Variants in COLEC10 observed in about 807,000 individuals in gnomAD.
The protein encoded by COLEC10 is collectin subfamily member 10.
A neutral mutation model predicts 28.4 loss-of-function variants in COLEC10; 22 were observed. The observed-to-expected ratio is 0.78, with a 90% confidence interval of 0.55 to 1.11. The LOEUF (loss-of-function observed/expected upper bound fraction) is 1.11. Among genes scored for constraint, COLEC10 ranks in the 50% least tolerant of loss-of-function variants. The pLI is 0.00. For missense variants in COLEC10, 361 were observed against 344.1 expected (o/e 1.05, Z -0.39); for synonymous variants, 125 against 116.1 (o/e 1.08, Z -0.49).
chr8:119,084,884 G>C (rs561765384), intron 1 of COLEC10, among the ~76,000 whole-genome samples: 1 of 152,262 alleles, frequency 6.6e-6, no homozygotes, highest in East Asian at 1.9e-4. Flanking sequence ...ACACAGCCAA[G>C]TAAAAGAGTA....
intron 1 of COLEC10, among the ~76,000 whole-genome samples, chr8:118,998,866 A>AT (rs1813638660): frequency 6.6e-6 from 1 of 151,260 alleles, no homozygotes. Flanking sequence ...AAAAAAAAAA[A>AT]AATTAACTTG....
At chr8:119,001,289 C>G (rs1813695571) in intron 1 of COLEC10, among the ~76,000 whole-genome samples, 1 of 152,086 alleles carries the variant, frequency 6.6e-6, no homozygotes, top group Non-Finnish European at 1.5e-5. Context: ...AAACAAAAGG[C>G]TGGTATTTTG....
At chr8:118,972,515 C>T in the COLEC10 span, among the ~76,000 whole-genome samples, 2 of 151,906 alleles carry the variant, frequency 1.3e-5, no homozygotes, top group Admixed American at 1.3e-4. Flanking sequence ...GAGTCTCAAA[C>T]TTGTCAATCC....
intron 1 of COLEC10, among the ~76,000 whole-genome samples, chr8:119,000,554 A>AG (rs1813677080): frequency 6.6e-6 from 1 of 152,176 alleles, no homozygotes; most frequent in African/African-American, 2.4e-5. Context: ...AGTGCTTGCA[A>AG]GGGAGTGATT....
At chr8:119,031,381 A>G (rs1268366537) in intron 2 of COLEC10, among the ~76,000 whole-genome samples, 1 of 152,228 alleles carries the variant, frequency 6.6e-6, no homozygotes, top group Non-Finnish European at 1.5e-5. Flanking sequence ...ACAATAACAT[A>G]TGATCATAGA....
At chr8:119,029,229 G>C (rs1210684714) in intron 2 of COLEC10, among the ~76,000 whole-genome samples, 1 of 152,114 alleles carries the variant, frequency 6.6e-6, no homozygotes. Context: ...TAATTAGTGC[G>C]GGAGTAACAT....
chr8:119,064,495 T>C (rs1306942352), upstream of COLEC10, among the ~76,000 whole-genome samples: 1 of 152,182 alleles, frequency 6.6e-6, no homozygotes, highest in Admixed American at 6.5e-5. Context: ...TTTCTTAGAA[T>C]CATAGAATTT....
the COLEC10 span, among the ~76,000 whole-genome samples, chr8:118,989,438 G>T: frequency 6.6e-6 from 1 of 151,744 alleles, no homozygotes; most frequent in East Asian, 1.9e-4. Context: ...CAAAAACCAT[G>T]CTCAAGTGTT....
intron 3 of COLEC10, among the ~76,000 whole-genome samples, chr8:119,096,674 C>T (rs1326261042): frequency 6.6e-6 from 1 of 151,978 alleles, no homozygotes; most frequent in Non-Finnish European, 1.5e-5. Context: ...ACAGAATTGG[C>T]TATGTGCTAC....
chr8:118,971,400 G>A, the COLEC10 span, among the ~76,000 whole-genome samples: 1 of 152,044 alleles, frequency 6.6e-6, no homozygotes, highest in African/African-American at 2.4e-5. Flanking sequence ...GAAGGTGGCA[G>A]GGGGAATTAG....
chr8:119,061,843 C>T (rs1026526300), intron 2 of COLEC10, among the ~76,000 whole-genome samples: 5 of 152,132 alleles, frequency 3.3e-5, no homozygotes, highest in African/African-American at 4.8e-5. Context: ...AGGATAACAG[C>T]TTGCTGACAA....
At chr8:118,998,889 T>C (rs1241807588) in intron 1 of COLEC10, among the ~76,000 whole-genome samples, 4 of 151,350 alleles carry the variant, frequency 2.6e-5, no homozygotes, top group African/African-American at 9.7e-5. Context: ...TATGCTTGAC[T>C]TGATTTCATC....
intron 2 of COLEC10, among the ~76,000 whole-genome samples, chr8:119,046,649 AT>A (rs1814592303): frequency 2.0e-5 from 3 of 152,176 alleles, no homozygotes. Context: ...CACTCCACAC[AT>A]TTAATCTCTG....
At chr8:119,102,210 T>A (rs13272783) in intron 3 of COLEC10, 138 bp from the exon 4 acceptor site, 1 of 143,712 alleles carries the variant, frequency 7.0e-6, no homozygotes. Context: ...ATTCACTCCT[T>A]CCTCCCTCCC....
intron 2 of COLEC10, among the ~76,000 whole-genome samples, chr8:119,049,826 A>C (rs1814647215): frequency 6.6e-6 from 1 of 152,206 alleles, no homozygotes; most frequent in Admixed American, 6.5e-5. Flanking sequence ...ATCATACTAT[A>C]ACTTCTATCA....
chr8:118,989,595 C>T, the COLEC10 span, among the ~76,000 whole-genome samples: 1 of 147,766 alleles, frequency 6.8e-6, no homozygotes. Context: ...CTACCCATAA[C>T]CTACTCAAAC....
intron 3 of COLEC10, among the ~76,000 whole-genome samples, chr8:119,095,887 A>T (rs1047000576): frequency 6.6e-6 from 1 of 152,236 alleles, no homozygotes; most frequent in Non-Finnish European, 1.5e-5. Flanking sequence ...TACATTTATT[A>T]GGAAACTAAA....
At chr8:119,011,367 T>C (rs1813897815) in intron 2 of COLEC10, among the ~76,000 whole-genome samples, 1 of 150,982 alleles carries the variant, frequency 6.6e-6, no homozygotes, top group Non-Finnish European at 1.5e-5. Flanking sequence ...CACTACACTG[T>C]TTTGAGTAGT....
intron 2 of COLEC10, among the ~76,000 whole-genome samples, chr8:119,030,761 T>C (rs1472811012): frequency 6.6e-6 from 1 of 152,230 alleles, no homozygotes; most frequent in Admixed American, 6.5e-5. Flanking sequence ...CATCCATTAA[T>C]AACTTTCCAT....
Sources: gnomAD v4.1 joint callset for allele counts (sites outside exome capture counted in the v4.1 genomes callset) on GRCh38, gnomAD v4.1.1 for gene constraint, MANE v1.5 for transcripts, NCBI Gene and HGNC (gene_info 2026-07-23, HGNC 2026-07-21) for gene names.